Variants in FGD4 observed in about 807,000 individuals in gnomAD.
FGD4 encodes FYVE, RhoGEF and PH domain containing 4.
In FGD4, 42 loss-of-function variants were observed where a neutral mutation model predicts 102.0. The observed-to-expected ratio is 0.41, with a 90% CI of 0.32 to 0.53. The LOEUF is 0.53. FGD4 is among the 20% of genes least tolerant of loss of function. The pLI is 0.21. For missense variants in FGD4, 902 were observed against 1,078.2 expected (o/e 0.84, Z 2.29); for synonymous variants, 380 against 375.7 (o/e 1.01, Z -0.13).
chr12:32,548,349 T>C (rs1208107349), intron 1 of FGD4, among the ~76,000 whole-genome samples: 1 of 152,216 alleles, frequency 6.6e-6, no homozygotes, highest in African/African-American at 2.4e-5. Flanking sequence ...AAAGGGCTAA[T>C]ATATCTTTTC....
chr12:32,619,390 A>T (rs1339924954), intron 10 of FGD4, among the ~76,000 whole-genome samples: 2 of 152,042 alleles, frequency 1.3e-5, no homozygotes. Context: ...GCACTTTGGG[A>T]GGCTGAGGCG....
At chr12:32,443,727 A>G (rs12422740) in intron 1 of FGD4, among the ~76,000 whole-genome samples, 15,134 of 150,144 alleles carry the variant, frequency 0.1, 1,027 homozygotes, top group Admixed American at 0.15. Flanking sequence ...TTTTTTGTAT[A>G]TTTTATAGAG....
chr12:32,540,566 C>CTTTTT (rs528437420), intron 1 of FGD4, among the ~76,000 whole-genome samples: 2 of 136,408 alleles, frequency 1.5e-5, no homozygotes, highest in African/African-American at 2.7e-5. Flanking sequence ...TCTTTCTTTT[C>CTTTTT]TTTTTTTTTT....
chr12:32,408,127 A>G (rs2651367), intron 1 of FGD4, among the ~76,000 whole-genome samples: 80,925 of 149,222 alleles, frequency 0.54, 22,890 homozygotes, highest in African/African-American at 0.71. Context: ...AGCCTCCTCA[A>G]TAGCTGGGAT....
chr12:32,582,304 G>A lies in FGD4; in HGVS notation c.848G>A (p.Ser283Asn), dbSNP rs1208033042. 2 of 1,614,214 alleles carry A rather than the reference G, an allele frequency of 1.2e-6. No homozygotes were observed. Among genetic ancestry groups the A allele is most frequent in the South Asian group, 2.2e-5 (2 of 91,082 alleles). ...GCTCCTGCATCACCCACAACAGACA[G>A]CTGTGATGGAAATGCTTCTGACAGT... is the stretch of plus-strand genomic sequence containing the variant. ...ATAPASPTTD[S>N]CDGNASDSSY... Residue 283 changes from serine to asparagine, a missense_variant, in exon 4 of 17, where the codon AGC (serine) becomes AAC (asparagine). Physicochemically the swap from Ser to Asn is conservative, Grantham distance 46. This residue lies in a region of FGD4 where 443 missense variants were observed against 459.2 expected (regional missense o/e 0.96). Coordinates refer to ENST00000534526, the MANE Select transcript of FGD4 (RefSeq NM_001370298.3).
At chr12:32,458,263 T>C (rs773871227) in intron 1 of FGD4, among the ~76,000 whole-genome samples, 1 of 152,062 alleles carries the variant, frequency 6.6e-6, no homozygotes, top group Non-Finnish European at 1.5e-5. Flanking sequence ...TTGACCTCCC[T>C]GGGCTCAGGT....
rs149584314 is a variant in FGD4, at chr12:32,576,381, T to A, written c.435T>A (p.Ser145=). 6.2e-7 allele frequency: 1 copy of A among 1,614,186 alleles called. No homozygotes were observed. Among genetic ancestry groups the A allele is most frequent in the Non-Finnish European group, 8.5e-7 (1 of 1,180,030 alleles). The part of the protein sequence containing the change: ...KPRMEEIKPA[S]ASCVSKEKPS... ...GGATGGAGGAAATTAAACCTGCCTCTGCTTCTTGTGTCTCAAAAGAAAAAC... is the reference window on the plus strand; with the variant it reads ...GGATGGAGGAAATTAAACCTGCCTCAGCTTCTTGTGTCTCAAAAGAAAAAC... Residue 145 remains serine (S), a synonymous_variant, in exon 3 of 17, where the codon TCT becomes TCA. Transcript: ENST00000534526.
At chr12:32,566,750 A>G (rs1486573881) in intron 2 of FGD4, among the ~76,000 whole-genome samples, 1 of 152,182 alleles carries the variant, frequency 6.6e-6, no homozygotes, top group Non-Finnish European at 1.5e-5. Context: ...TGATGGAGGC[A>G]GAGAAGAGAA....
intron 1 of FGD4, among the ~76,000 whole-genome samples, chr12:32,414,228 TC>T (rs1450798232): frequency 6.6e-6 from 1 of 152,090 alleles, no homozygotes; most frequent in Non-Finnish European, 1.5e-5. Flanking sequence ...TGCCTCGACC[TC>T]CCAAAGTGTT....
chr12:32,507,873 G>C (rs74072401), intron 1 of FGD4, among the ~76,000 whole-genome samples: 7 of 152,128 alleles, frequency 4.6e-5, no homozygotes, highest in Non-Finnish European at 8.8e-5. Flanking sequence ...TCTCTTAGGG[G>C]CATCAGTAAT....
At chr12:32,437,669 C>T in intron 1 of FGD4, among the ~76,000 whole-genome samples, 1 of 152,090 alleles carries the variant, frequency 6.6e-6, no homozygotes, top group Admixed American at 6.6e-5. Context: ...CCCTGTTACT[C>T]TTTGGATGGT....
chr12:32,441,749 G>C (rs1942442036), intron 1 of FGD4, among the ~76,000 whole-genome samples: 1 of 152,082 alleles, frequency 6.6e-6, no homozygotes, highest in African/African-American at 2.4e-5. Flanking sequence ...TGCAGTCCTT[G>C]TGACCTAGAC....
chr12:32,578,432 T>C (rs1946308197), intron 3 of FGD4, among the ~76,000 whole-genome samples: 1 of 152,138 alleles, frequency 6.6e-6, no homozygotes, highest in African/African-American at 2.4e-5. Context: ...TAGACTAGCT[T>C]TGTAAAATAG....
At chr12:32,441,174 G>A (rs1942425092) in intron 1 of FGD4, among the ~76,000 whole-genome samples, 1 of 152,124 alleles carries the variant, frequency 6.6e-6, no homozygotes, top group Non-Finnish European at 1.5e-5. Flanking sequence ...GGTGCAAGAT[G>A]AAGTCCCCTT....
At chr12:32,518,300 G>C (rs1940111438) in intron 1 of FGD4, among the ~76,000 whole-genome samples, 1 of 152,148 alleles carries the variant, frequency 6.6e-6, no homozygotes, top group African/African-American at 2.4e-5. Context: ...CCAACACGGA[G>C]AAACCCCGTC....
At chr12:32,607,659 C>T (rs987219418) in intron 7 of FGD4, among the ~76,000 whole-genome samples, 1 of 152,136 alleles carries the variant, frequency 6.6e-6, no homozygotes, top group Non-Finnish European at 1.5e-5. Context: ...GGACTACAGG[C>T]GTGTGCCACC....
At chr12:32,556,719 A>G (rs1032699336) in intron 1 of FGD4, among the ~76,000 whole-genome samples, 2 of 150,476 alleles carry the variant, frequency 1.3e-5, no homozygotes, top group Non-Finnish European at 3.0e-5. Context: ...TTAGCTGCAC[A>G]TGGTGGTGGG....
intron 1 of FGD4, among the ~76,000 whole-genome samples, chr12:32,475,550 G>T (rs972376700): frequency 1.3e-5 from 2 of 152,188 alleles, no homozygotes; most frequent in Non-Finnish European, 2.9e-5. Context: ...ACGGGTGTCT[G>T]TACCAGCAGC....
chr12:32,551,659 C>T (rs1016007423), intron 1 of FGD4, among the ~76,000 whole-genome samples: 5 of 152,082 alleles, frequency 3.3e-5, no homozygotes, highest in East Asian at 1.9e-4. Flanking sequence ...TCCAAACAGC[C>T]GAATGTCATG....
Sources: gnomAD v4.1 joint callset for allele counts (sites outside exome capture counted in the v4.1 genomes callset) on GRCh38, gnomAD v4.1.1 for gene constraint, gnomAD v4.1.1 regional missense constraint, MANE v1.5 for transcripts, NCBI Gene and HGNC (gene_info 2026-07-23, HGNC 2026-07-21) for gene names.